Variants in TENM1 observed in about 807,000 individuals in gnomAD.
TENM1 encodes teneurin-1.
In TENM1, 35 loss-of-function variants were observed where a neutral mutation model predicts 174.8. That is an observed-to-expected ratio of 0.20 (90% CI 0.15 to 0.27). The LOEUF (loss-of-function observed/expected upper bound fraction) is 0.27, where lower values mean the gene tolerates loss of function less well. Ranked by LOEUF, TENM1 falls within the 10% of genes least tolerant of loss-of-function variation. The probability of loss-of-function intolerance (pLI) is 1.00; values close to 1 mark genes in which losing one functional copy is unlikely to be tolerated. For missense variants in TENM1, 1,633 were observed against 2,130.1 expected (o/e 0.77, Z 4.59); for synonymous variants, 781 against 798.7 (o/e 0.98, Z 0.37).
intron 24 of TENM1, among the ~76,000 whole-genome samples, chrX:124,421,569 C>T (rs1347743784): frequency 9.1e-6 from 1 of 109,615 alleles, no homozygotes; most frequent in East Asian, 2.8e-4. Flanking sequence ...TTAAGAGGAC[C>T]GTTTGCCATC....
chrX:124,572,559 A>G (rs981735080), intron 11 of TENM1, among the ~76,000 whole-genome samples: 16 of 111,149 alleles, frequency 1.4e-4, no homozygotes, highest in Non-Finnish European at 1.9e-4. Context: ...CTTCTAACTC[A>G]ATGTTGTATT....
the TENM1 span, among the ~76,000 whole-genome samples, chrX:125,158,617 G>A: frequency 2.7e-5 from 3 of 109,816 alleles, no homozygotes; most frequent in African/African-American, 1.0e-4. Flanking sequence ...TAATTTTTGG[G>A]ATGGTATACT....
At chrX:125,110,917 A>T in the TENM1 span, among the ~76,000 whole-genome samples, 1 of 111,923 alleles carries the variant, frequency 8.9e-6, no homozygotes, top group African/African-American at 3.2e-5. Context: ...AGGCTGTAAG[A>T]TTGTAAAGAA....
chrX:124,650,277 G>T (rs1043591536), intron 8 of TENM1, among the ~76,000 whole-genome samples: 2 of 108,845 alleles, frequency 1.8e-5, no homozygotes, highest in Non-Finnish European at 3.8e-5. Context: ...TTGATTTTGG[G>T]AAAATTTACT....
chrX:125,098,358 A>G, the TENM1 span, among the ~76,000 whole-genome samples: 1 of 112,427 alleles, frequency 8.9e-6, no homozygotes, highest in Non-Finnish European at 1.9e-5. Flanking sequence ...CAGGGTCAGC[A>G]TACATAAATA....
chrX:125,044,231 AAAG>A, the TENM1 span, among the ~76,000 whole-genome samples: 3 of 105,630 alleles, frequency 2.8e-5, no homozygotes, highest in South Asian at 1.2e-3. Flanking sequence ...AATAAAAAAA[AAAG>A]AATATTAACA....
chrX:124,536,597 C>CT (rs777328186), intron 15 of TENM1, among the ~76,000 whole-genome samples: 62 of 111,538 alleles, frequency 5.6e-4, no homozygotes, highest in African/African-American at 1.9e-3. Context: ...CAAAAGTACG[C>CT]TTGCTTTGGA....
intron 3 of TENM1, among the ~76,000 whole-genome samples, chrX:124,751,620 T>A (rs2054071426): frequency 9.6e-6 from 1 of 104,498 alleles, no homozygotes; most frequent in Non-Finnish European, 2.0e-5. Context: ...TAGGTTTATC[T>A]CCTAATGCTA....
chrX:124,736,486 CT>C lies in TENM1; in HGVS notation c.776+470del, dbSNP rs369427879. Among the ~76,000 whole-genome samples the C allele has an allele frequency of 8.5e-3, 872 of 102,729 alleles. 5 individuals are homozygous for C. The highest frequency in any genetic ancestry group is 0.026 in the Middle Eastern group (5 of 196). The allele number at this position is 102,729 out of a possible 115,157, so 89.2% of individuals were successfully genotyped here. On this transcript the variant is annotated intron_variant, in intron 4 of 31. Transcript: ENST00000422452. The stretch of plus-strand genomic sequence containing the variant: ...ATACTTCCATTACATGAGGCTGATC[CT>C]TTTTTTTTTTAATGTTTGAAGGCAA...
intron 5 of TENM1, among the ~76,000 whole-genome samples, chrX:124,680,291 C>T (rs1199289720): frequency 9.0e-6 from 1 of 111,122 alleles, no homozygotes; most frequent in South Asian, 3.8e-4. Flanking sequence ...TAGTATGGTG[C>T]TAGTTTTATC....
rs372657742 is a variant in TENM1 at position 124,645,631 on chromosome X, T to C, written c.1682-294A>G. 3.1e-3 allele frequency among the ~76,000 whole-genome samples: 346 copies of C among 112,256 alleles called. 2 individuals are homozygous for C. The highest frequency in any genetic ancestry group is 0.011 in the African/African-American group (328 of 30,970). ...TTTAAGCTAGGATTTTTCTTTCTTA[T>C]ATTTTTCTTCCTCAGGGAGATATGT... On this transcript the variant is annotated intron_variant, in intron 9 of 31. Coordinates refer to ENST00000422452, the Ensembl canonical transcript of TENM1.
At chrX:124,730,691 A>G (rs1487574412) in intron 4 of TENM1, among the ~76,000 whole-genome samples, 1 of 112,275 alleles carries the variant, frequency 8.9e-6, no homozygotes, top group Non-Finnish European at 1.9e-5. Context: ...ATATATGGCA[A>G]GTTCCCAAAT....
At chrX:124,665,910 C>T (rs1303953006) in intron 6 of TENM1, among the ~76,000 whole-genome samples, 1 of 111,744 alleles carries the variant, frequency 8.9e-6, no homozygotes, top group Non-Finnish European at 1.9e-5. Context: ...GTTTTCACTG[C>T]CTGCTAGCCC....
At chrX:125,019,216 T>C in the TENM1 span, among the ~76,000 whole-genome samples, 9 of 111,316 alleles carry the variant, frequency 8.1e-5, no homozygotes, top group Non-Finnish European at 1.3e-4. Flanking sequence ...CAAACCCCCA[T>C]CTAATTGCAA....
At chrX:124,580,165 C>T (rs1247079021) in intron 11 of TENM1, among the ~76,000 whole-genome samples, 1 of 111,009 alleles carries the variant, frequency 9.0e-6, no homozygotes, top group Non-Finnish European at 1.9e-5. Context: ...ATCAAAGTAA[C>T]GACATAAAAA....
chrX:124,496,204 T>G (rs1205412837), intron 20 of TENM1, among the ~76,000 whole-genome samples: 2 of 111,225 alleles, frequency 1.8e-5, no homozygotes, highest in African/African-American at 6.6e-5. Flanking sequence ...CCTTACACCT[T>G]ACACAAAAAT....
At chrX:124,482,086 T>C (rs966951551) in intron 21 of TENM1, 122 bp from the exon 25 acceptor site, 2 of 443,967 alleles carry the variant, frequency 4.5e-6, no homozygotes, top group Admixed American at 3.8e-5. Context: ...ATCTTCCTTC[T>C]TAAGTACCAA....
At chrX:124,913,162 C>A (rs2057863720) in intron 1 of TENM1, among the ~76,000 whole-genome samples, 1 of 110,996 alleles carries the variant, frequency 9.0e-6, no homozygotes, top group Admixed American at 9.6e-5. Context: ...CAATTTATAT[C>A]TACTATACAT....
At chrX:124,705,563 T>C (rs1032431567) in intron 4 of TENM1, among the ~76,000 whole-genome samples, 23 of 111,532 alleles carry the variant, frequency 2.1e-4, no homozygotes, top group African/African-American at 6.9e-4. Context: ...TTTCATTAAA[T>C]ATGATCATCA....
Sources: allele counts gnomAD v4.1 joint callset (sites outside exome capture counted in the v4.1 genomes callset), GRCh38; gene constraint gnomAD v4.1.1; transcripts MANE v1.5; gene names NCBI Gene and HGNC (gene_info 2026-07-23, HGNC 2026-07-21).